The following CREG2 variants were observed in gnomAD, a reference collection of about 807,000 sequenced individuals.
The protein encoded by CREG2 is cellular repressor of E1A stimulated genes 2.
CREG2 carries 24 observed loss-of-function variants against 26.2 expected under a neutral mutation model. That is an observed-to-expected ratio of 0.92 (90% confidence interval 0.66 to 1.29). CREG2 has a LOEUF of 1.29. Ranked by LOEUF, CREG2 falls within the 50% of genes most tolerant of loss-of-function variation. CREG2 has a pLI of 0.00. For synonymous variants in CREG2, 174 were observed against 169.2 expected, an observed-to-expected ratio of 1.03 and a Z score of -0.22; for missense variants, 366 against 398.6, an observed-to-expected ratio of 0.92 and a Z score of 0.70.
intron 2 of CREG2, among the ~76,000 whole-genome samples, chr2:101,380,160 T>C (rs1336167109): frequency 6.6e-6 from 1 of 152,244 alleles, no homozygotes; most frequent in Non-Finnish European, 1.5e-5. Flanking sequence ...ATTAAACACG[T>C]ACACATTATA....
intron 2 of CREG2, among the ~76,000 whole-genome samples, chr2:101,363,001 G>T (rs1182871301): frequency 6.6e-6 from 1 of 152,180 alleles, no homozygotes; most frequent in Admixed American, 6.5e-5. Context: ...GGCTGGCCTG[G>T]TCCCCACCCA....
intron 2 of CREG2, among the ~76,000 whole-genome samples, chr2:101,380,665 C>T (rs933973327): frequency 7.2e-5 from 11 of 152,134 alleles, no homozygotes; most frequent in African/African-American, 1.9e-4. Context: ...TGTTGCAGGC[C>T]GGGCGCCGTG....
chr2:101,369,736 G>T (rs746752531), intron 2 of CREG2, among the ~76,000 whole-genome samples: 1 of 151,986 alleles, frequency 6.6e-6, no homozygotes, highest in African/African-American at 2.4e-5. Flanking sequence ...TATCCGTGAC[G>T]GTGTTTAGCA....
In CREG2 at chr2:101,355,326, A is replaced by G; in HGVS notation, c.652T>C (p.Leu218=). ...VDPEDPRCVQ[L]TLTGQMIAVS... Reference sequence around the variant, plus strand: ...GCGATCATCTGGCCAGTGAGCGTTAACTGGACACATCGGGGATCTTCCGGA... The same window carrying G: ...GCGATCATCTGGCCAGTGAGCGTTAGCTGGACACATCGGGGATCTTCCGGA... The change falls in exon 3 of 4, where the codon TTA becomes CTA. Residue 218 remains leucine (L), a synonymous_variant. Transcript: ENST00000324768. The G allele has an allele frequency of 6.2e-7, 1 of 1,614,050 alleles. No homozygotes were observed. Among genetic ancestry groups the G allele is most frequent in the South Asian group, 1.1e-5 (1 of 91,076 alleles).
chr2:101,384,089 C>T (rs1009671985), intron 1 of CREG2, among the ~76,000 whole-genome samples: 10 of 152,162 alleles, frequency 6.6e-5, no homozygotes, highest in African/African-American at 2.2e-4. Context: ...ACAGCCCCAC[C>T]GCTTTAACTC....
intron 2 of CREG2, among the ~76,000 whole-genome samples, chr2:101,365,728 A>G (rs936786973): frequency 2.0e-5 from 3 of 151,904 alleles, no homozygotes; most frequent in South Asian, 4.2e-4. Context: ...ACAAATTTCT[A>G]TGTCTCCCAT....
rs1413228980 is a variant in CREG2, at chr2:101,382,388, T to TAGTG, written c.611+1144_611+1145insCACT. The TAGTG allele has an allele frequency of 1.1e-4, 70 of 646,084 alleles. 1 individual carries two copies. Among genetic ancestry groups the TAGTG allele is most frequent in the Non-Finnish European group, 1.2e-4 (65 of 525,244 alleles). The allele number at this position is 646,084 out of a possible 1,614,324, so 40.0% of individuals were successfully genotyped here. ...TTGCAGTGAACCGAGATTGCGCCAC[T>TAGTG]GCACTCCAGTCTGGGAAACAAGAGC... is the stretch of plus-strand genomic sequence containing the variant. On this transcript the variant is annotated intron_variant, in intron 2 of 3. Coordinates refer to ENST00000324768, the MANE Select transcript of CREG2 (RefSeq NM_153836.4).
At chr2:101,369,566 G>A (rs1318227961) in intron 2 of CREG2, among the ~76,000 whole-genome samples, 1 of 152,140 alleles carries the variant, frequency 6.6e-6, no homozygotes, top group African/African-American at 2.4e-5. Flanking sequence ...AGACAGAGAA[G>A]ACACCACTGG....
intron 3 of CREG2, among the ~76,000 whole-genome samples, chr2:101,351,892 AT>A (rs1267526878): frequency 6.6e-6 from 1 of 150,634 alleles, no homozygotes; most frequent in Non-Finnish European, 1.5e-5. Context: ...TTATTAAAAA[AT>A]TTTTTTTTTA....
Position 101,386,436 on chromosome 2 carries a change from A to G in CREG2, c.441+581T>C, listed in dbSNP as rs200407717. Among the ~76,000 whole-genome samples, 8 of 152,304 alleles carry G rather than the reference A, an allele frequency of 5.3e-5. No individual in the cohort carries two copies. The East Asian group carries it at 1.4e-3, about 26-fold the overall frequency. On this transcript the variant is annotated intron_variant, in intron 1 of 3. Transcript: ENST00000324768. Reference sequence around the variant, plus strand: ...TAACAGGTGAGTAAAGCATTTGCGAACTGAACAATTAAAAGTGCAGCGAAT... The same window carrying G: ...TAACAGGTGAGTAAAGCATTTGCGAGCTGAACAATTAAAAGTGCAGCGAAT...
At chr2:101,357,112 C>T (rs1431738455) in intron 2 of CREG2, among the ~76,000 whole-genome samples, 2 of 152,242 alleles carry the variant, frequency 1.3e-5, no homozygotes, top group East Asian at 1.9e-4. Context: ...TGGTCTCAAA[C>T]TCCTGACCCT....
chr2:101,351,714 C>T (rs979373501), intron 3 of CREG2, among the ~76,000 whole-genome samples: 43 of 152,086 alleles, frequency 2.8e-4, no homozygotes, highest in African/African-American at 9.9e-4. Flanking sequence ...CCCCTAAACA[C>T]GCTGCAGTAT....
In CREG2 at chr2:101,387,194, C is replaced by G. The variant is rs1340780392; in HGVS notation, c.264G>C (p.Arg88=). 5 of 1,360,868 alleles carry G rather than the reference C, an allele frequency of 3.7e-6. No homozygotes were observed. The highest frequency in any genetic ancestry group is 4.8e-6 in the Non-Finnish European group (5 of 1,043,636). 84.3% of individuals were successfully genotyped at this position (1,360,868 alleles called of 1,614,324 possible). Residue 88 remains arginine (R), a synonymous_variant, in exon 1 of 4, where the codon CGG becomes CGC. Coordinates refer to ENST00000324768, the MANE Select transcript of CREG2 (RefSeq NM_153836.4). This position sits in a 1 kb window ranked among gnomAD's most constrained non-coding sequence, Gnocchi z 4.7. ...AHKEDAHLRP[R]AGAARARPPP... ...GCGGCCTGGCCCGGGCGGCGCCCGC[C>G]CGGGGCCGCAGGTGCGCGTCCTCCT...
At position 101,379,969 on chromosome 2, in the gene CREG2, T is replaced by TTCTATCTATCTA. The variant is rs34370954; in HGVS notation, c.611+3552_611+3563dup. On this transcript the variant is annotated intron_variant, in intron 2 of 3. Transcript: ENST00000324768. ...AGAGAAGAGTTGAATGTGTGAAAGC[T>TTCTATCTATCTA]TCTATCTATCTATCTATCTATCTAT... Among the ~76,000 whole-genome samples, 1,271 of 147,850 alleles carry TTCTATCTATCTA rather than the reference T, an allele frequency of 8.6e-3. 9 individuals are homozygous for TTCTATCTATCTA. The highest frequency in any genetic ancestry group is 0.017 in the Middle Eastern group (5 of 288).
chr2:101,378,455 G>T (rs370078433), intron 2 of CREG2, among the ~76,000 whole-genome samples: 2 of 152,326 alleles, frequency 1.3e-5, no homozygotes, highest in South Asian at 4.1e-4. Flanking sequence ...TCTCATCCTT[G>T]CCCTTCAGGC....
At chr2:101,368,398 C>T (rs573329215) in intron 2 of CREG2, among the ~76,000 whole-genome samples, 3 of 151,918 alleles carry the variant, frequency 2.0e-5, no homozygotes, top group Non-Finnish European at 4.4e-5. Context: ...GAAATGAAAA[C>T]GCTCTTCCTT....
rs146532595 is a variant in CREG2 at position 101,349,596 on chromosome 2, C to G, written c.*1327G>C. On this transcript the variant is annotated 3_prime_UTR_variant, in exon 4 of 4. Coordinates refer to ENST00000324768, the MANE Select transcript of CREG2 (RefSeq NM_153836.4). ...TCAACCCTTTATAGGTTTTAATGAT[C>G]AGAGGTCTTAGATATATATACATAG... The G allele has an allele frequency of 3.9e-5, 6 of 152,480 alleles. No homozygotes were observed. Among genetic ancestry groups the G allele is most frequent in the African/African-American group, 1.4e-4 (6 of 41,402 alleles). 9.4% of individuals were successfully genotyped at this position (152,480 alleles called of 1,614,324 possible).
At position 101,347,248 on chromosome 2, in the gene CREG2, T is replaced by G. The variant is rs960862440; in HGVS notation, c.*3675A>C. 1 of 152,176 alleles carries G rather than the reference T, an allele frequency of 6.6e-6. No homozygotes were observed. The highest frequency in any genetic ancestry group is 2.4e-5 in the African/African-American group (1 of 41,440). The allele number at this position is 152,176 out of a possible 1,614,324, so 9.4% of individuals were successfully genotyped here. On this transcript the variant is annotated 3_prime_UTR_variant, in exon 4 of 4. Coordinates refer to ENST00000324768, the MANE Select transcript of CREG2 (RefSeq NM_153836.4). ...TTAAAGGCCATCTGATTTCTCCAAG[T>G]TTTTGAACATTATGGATAAAACTGA...
intron 2 of CREG2, 100 bp downstream of exon 2, chr2:101,383,433 G>C: frequency 9.2e-7 from 1 of 1,086,320 alleles, no homozygotes; most frequent in Non-Finnish European, 1.3e-6. Context: ...GTGCATCTCA[G>C]AGTTCTGTTA....
Sources: gnomAD v4.1 joint callset for allele counts (sites outside exome capture counted in the v4.1 genomes callset) on GRCh38, gnomAD v4.1.1 for gene constraint, Gnocchi (gnomAD v3.1) non-coding constraint, MANE v1.5 for transcripts, NCBI Gene and HGNC (gene_info 2026-07-23, HGNC 2026-07-21) for gene names.